Variants in LTBP1 observed in about 807,000 individuals in gnomAD.
The protein encoded by LTBP1 is latent-transforming growth factor beta-binding protein 1.
LTBP1 carries 129 observed loss-of-function variants against 207.6 expected under a neutral mutation model. That is an observed-to-expected ratio of 0.62 (90% confidence interval 0.54 to 0.72). LTBP1 has a LOEUF of 0.72. Ranked by LOEUF, LTBP1 falls within the 30% of genes least tolerant of loss-of-function variation. The pLI is 0.00. For synonymous variants in LTBP1, 963 were observed against 833.7 expected, an observed-to-expected ratio of 1.16 and a Z score of -2.67; for missense variants, 2,281 against 2,217.2, an observed-to-expected ratio of 1.03 and a Z score of -0.58.
chr2:33,132,905 A>T (rs2081900672), intron 4 of LTBP1, among the ~76,000 whole-genome samples: 1 of 152,202 alleles, frequency 6.6e-6, no homozygotes, highest in Non-Finnish European at 1.5e-5. Flanking sequence ...AAGAGGCATT[A>T]GATTGTGAGG....
chr2:33,179,050 CTT>C (rs2086355065), intron 5 of LTBP1, among the ~76,000 whole-genome samples: 1 of 120,478 alleles, frequency 8.3e-6, no homozygotes, highest in South Asian at 2.4e-4. Context: ...CCCCAGCATG[CTT>C]TTATTTGCTG....
chr2:33,254,857 T>G (rs1573452383), intron 11 of LTBP1, among the ~76,000 whole-genome samples: 1 of 96,104 alleles, frequency 1.0e-5, no homozygotes, highest in Admixed American at 1.0e-4. Flanking sequence ...GTTTGGTTTT[T>G]TTTTTTTTTT....
In LTBP1 at chr2:33,256,356, C is replaced by T. The variant is rs564032652; in HGVS notation, c.2168-928C>T. Among the ~76,000 whole-genome samples the T allele has an allele frequency of 1.6e-4, 24 of 152,222 alleles. No homozygotes were observed. The South Asian group carries it at 3.5e-3, about 22-fold the overall frequency. On this transcript the variant is annotated intron_variant, in intron 11 of 33. Coordinates refer to ENST00000404816, the MANE Select transcript of LTBP1 (RefSeq NM_206943.4). ...CCCTTCAGAAACACTTCCCCTTTTC[C>T]GTCCTCCGTAATCTACATCCTCTTA...
At chr2:33,255,749 A>G (rs1573458003) in intron 11 of LTBP1, among the ~76,000 whole-genome samples, 2 of 152,344 alleles carry the variant, frequency 1.3e-5, no homozygotes, top group South Asian at 4.1e-4. Context: ...GTATTTTAGC[A>G]TACTATAAGC....
At chr2:33,226,510 A>T (rs1452599653) in intron 9 of LTBP1, among the ~76,000 whole-genome samples, 1 of 152,224 alleles carries the variant, frequency 6.6e-6, no homozygotes, top group Non-Finnish European at 1.5e-5. Flanking sequence ...GCTATCCCAG[A>T]GGTGGGGTGG....
chr2:33,281,842 A>G (rs1409483678), intron 19 of LTBP1, among the ~76,000 whole-genome samples: 1 of 152,142 alleles, frequency 6.6e-6, no homozygotes, highest in African/African-American at 2.4e-5. Flanking sequence ...CATAAATTTC[A>G]TACTTGCCTA....
chr2:32,964,914 C>T (rs554851719), intron 2 of LTBP1, among the ~76,000 whole-genome samples: 4 of 151,998 alleles, frequency 2.6e-5, no homozygotes, highest in African/African-American at 7.3e-5. Flanking sequence ...GTGGCGTGCA[C>T]CTGTAGTCCC....
chr2:33,278,959 G>C (rs924620434), intron 18 of LTBP1, among the ~76,000 whole-genome samples: 5 of 152,054 alleles, frequency 3.3e-5, no homozygotes, highest in African/African-American at 1.2e-4. Context: ...CATGTCTAAT[G>C]GTATGCAGTG....
At chr2:33,042,676 A>G (rs1034644691) in intron 3 of LTBP1, among the ~76,000 whole-genome samples, 10 of 152,212 alleles carry the variant, frequency 6.6e-5, no homozygotes, top group Non-Finnish European at 1.3e-4. Context: ...GGTTTCTGTC[A>G]CTGAAGATGA....
intron 19 of LTBP1, chr2:33,291,655 G>C (rs1346356877): frequency 3.3e-5 from 5 of 152,220 alleles, no homozygotes; most frequent in Non-Finnish European, 7.3e-5. Flanking sequence ...GATATTTTGT[G>C]AAAGCAACGC....
chr2:32,982,600 G>A (rs954015400), intron 2 of LTBP1, among the ~76,000 whole-genome samples: 3 of 152,272 alleles, frequency 2.0e-5, no homozygotes, highest in East Asian at 1.9e-4. Flanking sequence ...AGGGAAAAAT[G>A]GTTTCTTGGG....
intron 24 of LTBP1, among the ~76,000 whole-genome samples, chr2:33,335,720 C>T (rs2094547017): frequency 6.6e-6 from 1 of 152,172 alleles, no homozygotes; most frequent in African/African-American, 2.4e-5. Flanking sequence ...AGCTATTCAG[C>T]TGGTTTAACA....
intron 2 of LTBP1, among the ~76,000 whole-genome samples, chr2:33,016,527 G>C (rs1050552441): frequency 2.0e-5 from 3 of 152,060 alleles, no homozygotes; most frequent in African/African-American, 7.2e-5. Context: ...TCTGTTTGGA[G>C]TTAGGCCTGG....
chr2:33,347,608 C>A lies in LTBP1; in HGVS notation c.4000+98C>A, dbSNP rs940533330. The A allele has an allele frequency of 7.1e-6, 10 of 1,410,932 alleles. No individual in the cohort carries two copies. In the African/African-American group the frequency reaches 1.3e-4, roughly 18 times the overall value. 87.4% of individuals were successfully genotyped at this position (1,410,932 alleles called of 1,614,324 possible). A position where few individuals can be genotyped will look rare whatever the true frequency, so the allele number is the denominator to read the frequency against. On this transcript the variant is annotated intron_variant, in intron 26 of 33. Coordinates refer to ENST00000404816, the MANE Select transcript of LTBP1 (RefSeq NM_206943.4). ...TAAACGCTGGGAGTGAGATAAGAAG[C>A]AGCCAGATGTCCTGACACAGTGCTG...
rs116262752 is a variant in LTBP1 at position 33,104,924 on chromosome 2, T to C, written c.864-5658T>C. 1.6e-3 allele frequency among the ~76,000 whole-genome samples: 241 copies of C among 152,272 alleles called. 1 individual carries two copies. The highest frequency in any genetic ancestry group is 5.6e-3 in the African/African-American group (231 of 41,546). The stretch of plus-strand genomic sequence containing the variant: ...TTTCCCCTCGGCTTTGAACCAAAAA[T>C]ATCCTTCCAGTGGGCTTGAAACCTT... On this transcript the variant is annotated intron_variant, in intron 3 of 33. Coordinates refer to ENST00000404816, the MANE Select transcript of LTBP1 (RefSeq NM_206943.4).
chr2:33,176,356 G>T lies in LTBP1; in HGVS notation c.1202-10500G>T, dbSNP rs535855023. Among the ~76,000 whole-genome samples, 218 of 152,138 alleles carry T rather than the reference G, an allele frequency of 1.4e-3. 1 individual carries two copies. The highest frequency in any genetic ancestry group is 5.0e-3 in the African/African-American group (207 of 41,514). ...TTCTCCTGCCTCAGCCTTCTGAGTA[G>T]CTGGGACTACAGGCGCCCGCCACCA... is the stretch of plus-strand genomic sequence containing the variant. On this transcript the variant is annotated intron_variant, in intron 5 of 33. Coordinates refer to ENST00000404816, the MANE Select transcript of LTBP1 (RefSeq NM_206943.4).
At chr2:33,353,141 C>T (rs1264658030) in intron 26 of LTBP1, among the ~76,000 whole-genome samples, 2 of 151,700 alleles carry the variant, frequency 1.3e-5, no homozygotes, top group Non-Finnish European at 1.5e-5. Flanking sequence ...ACCATGCCCA[C>T]CTAATTTTTG....
chr2:33,074,763 G>A (rs748599178), intron 3 of LTBP1, among the ~76,000 whole-genome samples: 7 of 152,052 alleles, frequency 4.6e-5, no homozygotes, highest in Admixed American at 6.5e-5. Flanking sequence ...CCTGCTAGTC[G>A]GGAGGCTGAG....
chr2:33,361,558 T>C (rs1391996575), intron 28 of LTBP1, 43 bp downstream of exon 28: 8 of 1,357,734 alleles, frequency 5.9e-6, no homozygotes, highest in Non-Finnish European at 8.4e-6. Context: ...ATTGTGTACA[T>C]GTCAGATATT....
Sources: allele counts gnomAD v4.1 joint callset (sites outside exome capture counted in the v4.1 genomes callset), GRCh38; gene constraint gnomAD v4.1.1; transcripts MANE v1.5; gene names NCBI Gene and HGNC (gene_info 2026-07-23, HGNC 2026-07-21).